The following CADM2 variants were observed in gnomAD, a reference collection of about 807,000 sequenced individuals.
The protein encoded by CADM2 is immunoglobulin superfamily member 4D.
CADM2 carries 12 observed loss-of-function variants against 49.8 expected under a neutral mutation model. That is an observed-to-expected ratio of 0.24 (90% confidence interval 0.15 to 0.39). The LOEUF (loss-of-function observed/expected upper bound fraction) is 0.39. Among genes scored for constraint, CADM2 ranks in the 10% least tolerant of loss-of-function variants. The probability of loss-of-function intolerance (pLI) is 1.00; values close to 1 mark genes in which losing one functional copy is unlikely to be tolerated. For missense variants in CADM2, 378 were observed against 492.3 expected (o/e 0.77, Z 2.20); for synonymous variants, 214 against 175.4 (o/e 1.22, Z -1.74).
At chr3:85,493,442 G>T (rs1202935572) in intron 1 of CADM2, among the ~76,000 whole-genome samples, 1 of 104,246 alleles carries the variant, frequency 9.6e-6, no homozygotes, top group Non-Finnish European at 2.4e-5. Context: ...TTTTTCATCT[G>T]CCCTGTACAT....
chr3:85,910,603 G>C (rs142607278), intron 5 of CADM2, among the ~76,000 whole-genome samples: 1 of 151,964 alleles, frequency 6.6e-6, no homozygotes, highest in East Asian at 1.9e-4. Flanking sequence ...ACAATTCTGC[G>C]TATAATTTTG....
chr3:85,978,253 T>C (rs925700422), intron 8 of CADM2, among the ~76,000 whole-genome samples: 3 of 151,628 alleles, frequency 2.0e-5, no homozygotes, highest in Admixed American at 1.3e-4. Flanking sequence ...CTGCTCTTCA[T>C]ATTTTCAGCT....
intron 1 of CADM2, among the ~76,000 whole-genome samples, chr3:85,150,428 A>C (rs2039885424): frequency 6.6e-6 from 1 of 152,226 alleles, no homozygotes. Flanking sequence ...GCAATAAAAC[A>C]GTCATTTACA....
At chr3:85,699,180 A>G (rs2066667913) in intron 1 of CADM2, among the ~76,000 whole-genome samples, 1 of 152,248 alleles carries the variant, frequency 6.6e-6, no homozygotes, top group Admixed American at 6.5e-5. Flanking sequence ...GGGCTCCCAA[A>G]GCCTTGGACA....
intron 1 of CADM2, among the ~76,000 whole-genome samples, chr3:85,698,698 C>T (rs935473863): frequency 7.2e-5 from 11 of 152,102 alleles, no homozygotes; most frequent in Non-Finnish European, 1.0e-4. Flanking sequence ...AAACTGCTCC[C>T]GTGATCCCAT....
intron 1 of CADM2, among the ~76,000 whole-genome samples, chr3:85,345,331 A>AAAAAG (rs2030501529): frequency 2.0e-5 from 3 of 150,122 alleles, no homozygotes; most frequent in East Asian, 1.9e-4. Flanking sequence ...AAAAAAAAAA[A>AAAAAG]AAAGAAAGAA....
intron 1 of CADM2, among the ~76,000 whole-genome samples, chr3:85,388,262 CTGTT>C (rs1460458396): frequency 6.6e-6 from 1 of 152,082 alleles, no homozygotes; most frequent in African/African-American, 2.4e-5. Context: ...CTGCCAATAA[CTGTT>C]TGTTGATGAT....
intron 7 of CADM2, among the ~76,000 whole-genome samples, chr3:85,952,740 G>T (rs907333747): frequency 6.6e-6 from 1 of 150,672 alleles, no homozygotes; most frequent in Non-Finnish European, 1.5e-5. Context: ...TACTTTTTCA[G>T]GGCTCTTTTA....
At chr3:85,820,813 G>A (rs1303538059) in intron 3 of CADM2, among the ~76,000 whole-genome samples, 2 of 152,266 alleles carry the variant, frequency 1.3e-5, no homozygotes, top group Non-Finnish European at 2.9e-5. Context: ...TAGGGAAAAG[G>A]AGTCCAAGGA....
chr3:85,950,263 G>T (rs986253065), intron 7 of CADM2, among the ~76,000 whole-genome samples: 6 of 151,116 alleles, frequency 4.0e-5, no homozygotes, highest in East Asian at 3.9e-4. Context: ...CCAAAGAAAA[G>T]AAATTTAAGT....
intron 3 of CADM2, among the ~76,000 whole-genome samples, chr3:85,880,386 T>C (rs1252914448): frequency 6.6e-6 from 1 of 152,152 alleles, no homozygotes; most frequent in Non-Finnish European, 1.5e-5. Context: ...TATTTTCTCT[T>C]ATTTTGTTAT....
chr3:85,167,724 A>C (rs2040508059), intron 1 of CADM2, among the ~76,000 whole-genome samples: 1 of 152,310 alleles, frequency 6.6e-6, no homozygotes, highest in South Asian at 2.1e-4. Context: ...ACTATTCAAT[A>C]CCTTTCTTTC....
At chr3:85,540,939 C>A (rs1032920225) in intron 1 of CADM2, among the ~76,000 whole-genome samples, 2 of 152,054 alleles carry the variant, frequency 1.3e-5, no homozygotes, top group Non-Finnish European at 2.9e-5. Flanking sequence ...CTTATAAAGA[C>A]ACTTGCCGTA....
At chr3:85,575,543 T>G (rs545746418) in intron 1 of CADM2, among the ~76,000 whole-genome samples, 24 of 152,100 alleles carry the variant, frequency 1.6e-4, no homozygotes, top group Non-Finnish European at 3.2e-4. Flanking sequence ...AGAGCGAGAC[T>G]CCGTCTCAAA....
intron 1 of CADM2, among the ~76,000 whole-genome samples, chr3:85,355,267 T>C (rs2031758939): frequency 6.6e-6 from 1 of 152,054 alleles, no homozygotes; most frequent in Non-Finnish European, 1.5e-5. Flanking sequence ...CATCCGTCTC[T>C]TGTTTTCAGA....
At chr3:86,002,818 A>G (rs1292681245) in intron 8 of CADM2, among the ~76,000 whole-genome samples, 6 of 152,170 alleles carry the variant, frequency 3.9e-5, no homozygotes, top group African/African-American at 1.4e-4. Context: ...ATGAAATTTT[A>G]TGGATACCTC....
intron 8 of CADM2, among the ~76,000 whole-genome samples, chr3:85,967,257 G>T (rs946548242): frequency 6.6e-6 from 1 of 151,550 alleles, no homozygotes; most frequent in African/African-American, 2.4e-5. Context: ...CTCCATTTCA[G>T]TTAACTTGCT....
intron 1 of CADM2, among the ~76,000 whole-genome samples, chr3:85,512,526 G>T (rs2040666912): frequency 6.6e-6 from 1 of 151,862 alleles, no homozygotes; most frequent in Non-Finnish European, 1.5e-5. Flanking sequence ...GTATTATATG[G>T]AATTTCTAAA....
intron 1 of CADM2, among the ~76,000 whole-genome samples, chr3:85,504,808 C>T (rs967988717): frequency 9.9e-5 from 15 of 152,186 alleles, no homozygotes; most frequent in Non-Finnish European, 1.8e-4. Flanking sequence ...CTGCAGGTCC[C>T]GAGCCCTGCC....
Sources: gnomAD v4.1 joint callset for allele counts (sites outside exome capture counted in the v4.1 genomes callset) on GRCh38, gnomAD v4.1.1 for gene constraint, MANE v1.5 for transcripts, NCBI Gene and HGNC (gene_info 2026-07-23, HGNC 2026-07-21) for gene names.